The following CTIF variants were observed in gnomAD, a reference collection of about 807,000 sequenced individuals.
CTIF encodes CBP80/20-dependent translation initiation factor.
CTIF carries 21 observed loss-of-function variants against 66.0 expected under a neutral mutation model. That is an observed-to-expected ratio of 0.32 (90% CI 0.23 to 0.46). The LOEUF is 0.46. Among genes scored for constraint, CTIF ranks in the 20% least tolerant of loss-of-function variants. The pLI is 1.00. For synonymous variants in CTIF, 345 were observed against 326.4 expected (o/e 1.06, Z -0.62); for missense variants, 739 against 812.7 (o/e 0.91, Z 1.10).
At chr18:48,565,864 C>T (rs892418545) in intron 1 of CTIF, 5 of 152,284 alleles carry the variant, frequency 3.3e-5, no homozygotes, top group African/African-American at 1.2e-4. Context: ...GAAGGTGGGG[C>T]TCTAGCGTGT....
At chr18:48,632,791 C>G (rs897004745) in intron 2 of CTIF, among the ~76,000 whole-genome samples, 3 of 152,112 alleles carry the variant, frequency 2.0e-5, no homozygotes, top group Non-Finnish European at 2.9e-5. Flanking sequence ...GCCGTGCCGT[C>G]CCCACCCCCC....
intron 1 of CTIF, among the ~76,000 whole-genome samples, chr18:48,588,737 A>G (rs1377171897): frequency 6.6e-6 from 1 of 152,126 alleles, no homozygotes; most frequent in Admixed American, 6.5e-5. Context: ...CAAATTTAAA[A>G]CAAAGAACAC....
intron 7 of CTIF, among the ~76,000 whole-genome samples, chr18:48,749,320 T>A (rs1255411401): frequency 6.6e-6 from 1 of 152,142 alleles, no homozygotes; most frequent in East Asian, 1.9e-4. Context: ...TCACTGAAGG[T>A]GGACCCCAAG....
chr18:48,798,181 GT>G (rs2067971120), intron 9 of CTIF, among the ~76,000 whole-genome samples: 1 of 152,198 alleles, frequency 6.6e-6, no homozygotes, highest in South Asian at 2.1e-4. Context: ...GGAGGTATTT[GT>G]TAACGTCATC....
At chr18:48,688,764 C>T (rs1240556968) in intron 6 of CTIF, among the ~76,000 whole-genome samples, 1 of 152,204 alleles carries the variant, frequency 6.6e-6, no homozygotes, top group Non-Finnish European at 1.5e-5. Flanking sequence ...CACAGGACAT[C>T]TGTTTAATAA....
At chr18:48,705,404 A>T (rs2092138685) in intron 6 of CTIF, among the ~76,000 whole-genome samples, 1 of 152,186 alleles carries the variant, frequency 6.6e-6, no homozygotes, top group Non-Finnish European at 1.5e-5. Flanking sequence ...TTCTCCTATA[A>T]GGACACCCAT....
intron 9 of CTIF, among the ~76,000 whole-genome samples, chr18:48,804,978 T>C (rs147231263): frequency 5.3e-5 from 8 of 152,362 alleles, no homozygotes; most frequent in African/African-American, 1.4e-4. Flanking sequence ...TGAGTTCTTT[T>C]TGTCCCAAGT....
intron 1 of CTIF, among the ~76,000 whole-genome samples, chr18:48,583,828 T>C (rs1225590706): frequency 6.6e-6 from 1 of 152,150 alleles, no homozygotes; most frequent in Non-Finnish European, 1.5e-5. Flanking sequence ...CCAAGGATCC[T>C]GGGATGAAGT....
At chr18:48,808,730 G>C (rs753999013) in intron 9 of CTIF, among the ~76,000 whole-genome samples, 14 of 152,088 alleles carry the variant, frequency 9.2e-5, no homozygotes, top group Non-Finnish European at 2.1e-4. Flanking sequence ...TTGTTTCTAG[G>C]CTATCTGATC....
chr18:48,595,033 G>T (rs74891393), intron 1 of CTIF, among the ~76,000 whole-genome samples: 422 of 152,316 alleles, frequency 2.8e-3, no homozygotes, highest in African/African-American at 8.5e-3. Flanking sequence ...CATTGGAAAG[G>T]TCATCTTGAC....
intron 6 of CTIF, among the ~76,000 whole-genome samples, chr18:48,678,723 C>T (rs550087158): frequency 4.3e-4 from 65 of 152,068 alleles, no homozygotes; most frequent in African/African-American, 1.5e-3. Flanking sequence ...TCCTCCTGCT[C>T]ACTCCATGCG....
intron 10 of CTIF, among the ~76,000 whole-genome samples, chr18:48,844,510 G>C (rs972293551): frequency 1.3e-5 from 2 of 152,210 alleles, no homozygotes; most frequent in African/African-American, 4.8e-5. Flanking sequence ...TGTACGGGGT[G>C]GTTTGCAAGC....
At chr18:48,578,635 C>T (rs548609509) in intron 1 of CTIF, among the ~76,000 whole-genome samples, 43 of 152,112 alleles carry the variant, frequency 2.8e-4, no homozygotes, top group Non-Finnish European at 5.3e-4. Flanking sequence ...AGATGTTTAT[C>T]CAAGTGTATA....
intron 7 of CTIF, among the ~76,000 whole-genome samples, chr18:48,731,182 C>T (rs1475528110): frequency 6.6e-6 from 1 of 152,088 alleles, no homozygotes; most frequent in Non-Finnish European, 1.5e-5. Context: ...AGTGCCTACC[C>T]TGTTGGGGTT....
chr18:48,663,129 G>A (rs563162115), intron 3 of CTIF, among the ~76,000 whole-genome samples: 2 of 152,184 alleles, frequency 1.3e-5, no homozygotes, highest in African/African-American at 2.4e-5. Flanking sequence ...GGGTAAGAAG[G>A]GCTGGAGGGC....
chr18:48,714,826 C>T (rs1164726848), intron 7 of CTIF, among the ~76,000 whole-genome samples: 5 of 152,188 alleles, frequency 3.3e-5, no homozygotes, highest in Non-Finnish European at 7.3e-5. Context: ...CTTTTGAAAG[C>T]CCTGTCCCTT....
At chr18:48,615,889 G>A (rs144998826) in intron 1 of CTIF, among the ~76,000 whole-genome samples, 2,406 of 152,328 alleles carry the variant, frequency 0.016, 69 homozygotes, top group African/African-American at 0.055. Flanking sequence ...AGAGGCACCC[G>A]CAGAGCGAGT....
chr18:48,594,456 T>A (rs1475667055), intron 1 of CTIF, among the ~76,000 whole-genome samples: 1 of 151,856 alleles, frequency 6.6e-6, no homozygotes, highest in Admixed American at 6.6e-5. Flanking sequence ...GCTGGCCTAA[T>A]GGCTATGGAG....
intron 3 of CTIF, among the ~76,000 whole-genome samples, chr18:48,647,515 G>A (rs550473144): frequency 3.9e-5 from 6 of 152,290 alleles, no homozygotes; most frequent in East Asian, 1.9e-4. Context: ...GGGAAACTGC[G>A]TATAGGGCAC....
Sources: gnomAD v4.1 joint callset for allele counts (sites outside exome capture counted in the v4.1 genomes callset) on GRCh38, gnomAD v4.1.1 for gene constraint, MANE v1.5 for transcripts, NCBI Gene and HGNC (gene_info 2026-07-23, HGNC 2026-07-21) for gene names.